GRIA1: variants seen among roughly 807,000 people sequenced by gnomAD.
GRIA1 encodes the protein glutamate receptor 1.
A neutral mutation model predicts 99.2 loss-of-function variants in GRIA1; 31 were observed. The observed-to-expected ratio is 0.31, with a 90% confidence interval of 0.23 to 0.42. GRIA1 has a LOEUF of 0.42. GRIA1 is among the 10% of genes least tolerant of loss of function. GRIA1 has a pLI of 1.00. For missense variants in GRIA1, 782 were observed against 1,157.5 expected (o/e 0.68, Z 4.71); for synonymous variants, 438 against 432.4 (o/e 1.01, Z -0.16).
At chr5:153,568,624 T>C (rs995740975) in intron 2 of GRIA1, among the ~76,000 whole-genome samples, 1 of 152,174 alleles carries the variant, frequency 6.6e-6, no homozygotes, top group Admixed American at 6.6e-5. Flanking sequence ...CAAAGTCCTA[T>C]GTAGTCTTCC....
chr5:153,611,526 C>T (rs796158755), intron 2 of GRIA1, among the ~76,000 whole-genome samples: 3 of 152,320 alleles, frequency 2.0e-5, no homozygotes, highest in African/African-American at 7.2e-5. Context: ...CTAGATATCT[C>T]TGCAGCCATA....
intron 14 of GRIA1, among the ~76,000 whole-genome samples, chr5:153,798,640 G>A (rs1048704860): frequency 6.6e-5 from 10 of 152,352 alleles, no homozygotes; most frequent in African/African-American, 2.4e-4. Flanking sequence ...ACCAGTCTCA[G>A]TGGAAGTCAC....
chr5:153,726,637 A>G (rs190301182), intron 11 of GRIA1, among the ~76,000 whole-genome samples: 79,486 of 152,036 alleles, frequency 0.52, 21,697 homozygotes, highest in East Asian at 0.94. Flanking sequence ...TAGAAAATCT[A>G]GAAGAAATGG....
intron 2 of GRIA1, among the ~76,000 whole-genome samples, chr5:153,552,984 C>G (rs1760288520): frequency 6.6e-6 from 1 of 152,176 alleles, no homozygotes; most frequent in Non-Finnish European, 1.5e-5. Flanking sequence ...TGGCTGGTTT[C>G]AAACTCTTGG....
In GRIA1 at chr5:153,493,915, T is replaced by G; in HGVS notation, c.83-13T>G. 6.2e-7 allele frequency: 1 copy of G among 1,613,864 alleles called. No homozygotes were observed. Among genetic ancestry groups the G allele is most frequent in the Non-Finnish European group, 8.5e-7 (1 of 1,179,838 alleles). ...CTAGCCCATATACCATGTTGCATTT[T>G]CTTTTCTCATAGGGGGATTATTTCC... On this transcript the variant is annotated splice_polypyrimidine_tract_variant and intron_variant, in intron 1 of 15. Transcript: ENST00000285900.
At chr5:153,572,723 A>T (rs1455982938) in intron 2 of GRIA1, among the ~76,000 whole-genome samples, 1 of 152,204 alleles carries the variant, frequency 6.6e-6, no homozygotes, top group Non-Finnish European at 1.5e-5. Context: ...TGATTGTGAG[A>T]TGCAAAGCTC....
At position 153,770,533 on chromosome 5, in the gene GRIA1, T is replaced by C. The variant is rs903145335; in HGVS notation, c.2270+118T>C. ...CAATGCAAGCTGTTGAGGGGGCTCT[T>C]CTTCAACACCTATGGGCCTGAAAGA... On this transcript the variant is annotated intron_variant, in intron 13 of 15. Transcript: ENST00000285900. The C allele has an allele frequency of 1.4e-5, 13 of 940,664 alleles. 1 individual carries two copies. In the Admixed American group the frequency reaches 2.5e-4, roughly 18 times the overall value. The allele number at this position is 940,664 out of a possible 1,614,324, so 58.3% of individuals were successfully genotyped here.
chr5:153,517,846 C>T (rs1257010111), intron 2 of GRIA1, among the ~76,000 whole-genome samples: 1 of 152,188 alleles, frequency 6.6e-6, no homozygotes, highest in Non-Finnish European at 1.5e-5. Flanking sequence ...ACTTTTTAAA[C>T]GTATTGAGCT....
At chr5:153,560,157 G>C (rs767534018) in intron 2 of GRIA1, among the ~76,000 whole-genome samples, 1 of 152,146 alleles carries the variant, frequency 6.6e-6, no homozygotes, top group South Asian at 2.1e-4. Flanking sequence ...TTCCTGCCCT[G>C]CTAGACCTTA....
At chr5:153,605,764 A>T (rs532342898) in intron 2 of GRIA1, among the ~76,000 whole-genome samples, 4 of 152,282 alleles carry the variant, frequency 2.6e-5, no homozygotes, top group African/African-American at 9.6e-5. Context: ...TCATGTGCTT[A>T]TTGAAATGCT....
chr5:153,745,911 A>G (rs1762127194), intron 11 of GRIA1, among the ~76,000 whole-genome samples: 1 of 152,096 alleles, frequency 6.6e-6, no homozygotes. Flanking sequence ...TGAGAGTGGT[A>G]ACTGCTTCTA....
intron 11 of GRIA1, among the ~76,000 whole-genome samples, chr5:153,734,794 C>A (rs1761268453): frequency 6.6e-6 from 1 of 152,148 alleles, no homozygotes; most frequent in African/African-American, 2.4e-5. Context: ...AGTGAAAAGG[C>A]AGGGGAAAGG....
chr5:153,678,815 G>T (rs578174381), intron 7 of GRIA1, among the ~76,000 whole-genome samples: 1 of 152,192 alleles, frequency 6.6e-6, no homozygotes, highest in Non-Finnish European at 1.5e-5. Context: ...TGGGAGGCAG[G>T]AGAGCTGGAC....
At chr5:153,497,177 G>C (rs996205899) in intron 2 of GRIA1, among the ~76,000 whole-genome samples, 10 of 152,138 alleles carry the variant, frequency 6.6e-5, no homozygotes, top group Admixed American at 5.9e-4. Context: ...AAAGAGTAAA[G>C]CCATTGAATC....
At chr5:153,595,268 A>G (rs1042935501) in intron 2 of GRIA1, among the ~76,000 whole-genome samples, 2 of 152,192 alleles carry the variant, frequency 1.3e-5, no homozygotes, top group South Asian at 4.1e-4. Context: ...GTAGTTTTAG[A>G]TTTACAGAAA....
intron 2 of GRIA1, among the ~76,000 whole-genome samples, chr5:153,512,064 G>A (rs1265338700): frequency 1.3e-5 from 2 of 152,140 alleles, no homozygotes; most frequent in African/African-American, 2.4e-5. Context: ...AACATATAAC[G>A]TCAATGTCAA....
chr5:153,794,563 G>C, intron 13 of GRIA1, 58 bp from the exon 14 acceptor site: 2 of 1,178,148 alleles, frequency 1.7e-6, no homozygotes, highest in South Asian at 2.4e-5. Flanking sequence ...TGGGTCACGT[G>C]ACTTGCTGAG....
intron 2 of GRIA1, among the ~76,000 whole-genome samples, chr5:153,604,157 G>C (rs568859546): frequency 1.6e-4 from 25 of 152,078 alleles, no homozygotes; most frequent in African/African-American, 5.3e-4. Context: ...TTAGAGGGGT[G>C]GGGGGAAGAG....
At chr5:153,493,485 C>T (rs576557408) in intron 1 of GRIA1, among the ~76,000 whole-genome samples, 1 of 152,292 alleles carries the variant, frequency 6.6e-6, no homozygotes, top group African/African-American at 2.4e-5. Context: ...CCCTGCAGCA[C>T]TGATTAGTAC....
Sources: gnomAD v4.1 joint callset for allele counts (sites outside exome capture counted in the v4.1 genomes callset) on GRCh38, gnomAD v4.1.1 for gene constraint, MANE v1.5 for transcripts, NCBI Gene and HGNC (gene_info 2026-07-23, HGNC 2026-07-21) for gene names.